HEATR3: variants seen among roughly 807,000 people sequenced by gnomAD.
HEATR3 encodes HEAT repeat containing 3, also known as HEAT repeat-containing protein 3.
In HEATR3, 56 loss-of-function variants were observed where a neutral mutation model predicts 72.8. That is an observed-to-expected ratio of 0.77 (90% CI 0.62 to 0.96). HEATR3 has a LOEUF of 0.96. HEATR3 is among the 40% of genes least tolerant of loss of function. HEATR3 has a pLI of 0.00. For missense variants in HEATR3, 747 were observed against 831.4 expected, an observed-to-expected ratio of 0.90 and a Z score of 1.25; for synonymous variants, 331 against 318.1, an observed-to-expected ratio of 1.04 and a Z score of -0.43.
chr16:50,066,004 C>T lies in HEATR3; in HGVS notation c.-128C>T. The T allele has an allele frequency of 3.2e-6, 3 of 944,182 alleles. No individual in the cohort carries two copies. Among genetic ancestry groups the T allele is most frequent in the South Asian group, 1.6e-5 (1 of 61,706 alleles). 58.5% of individuals were successfully genotyped at this position (944,182 alleles called of 1,614,324 possible). On this transcript the variant is annotated 5_prime_UTR_variant, in exon 1 of 15. Coordinates refer to ENST00000299192, the MANE Select transcript of HEATR3 (RefSeq NM_182922.4). Reference sequence around the variant, plus strand: ...GCCGTGCGCCTGCGCACGGCTTGCCCATGTGTGCTGCAGCCGTCAGCCGGC... The same window carrying T: ...GCCGTGCGCCTGCGCACGGCTTGCCTATGTGTGCTGCAGCCGTCAGCCGGC...
chr16:50,091,670 T>C (rs1378570040), intron 11 of HEATR3, among the ~76,000 whole-genome samples: 1 of 151,674 alleles, frequency 6.6e-6, no homozygotes, highest in Non-Finnish European at 1.5e-5. Context: ...GTCAGGAGAT[T>C]GAGACCCTGG....
chr16:50,104,141 C>T (rs62029889), intron 14 of HEATR3, among the ~76,000 whole-genome samples: 16,087 of 151,888 alleles, frequency 0.11, 953 homozygotes, highest in Middle Eastern at 0.14. Context: ...CTTGAGCCCA[C>T]GAGTTCAAGA....
At chr16:50,102,525 A>T (rs1449591466) in intron 14 of HEATR3, 90 bp downstream of exon 14, 2 of 1,179,168 alleles carry the variant, frequency 1.7e-6, no homozygotes, top group East Asian at 2.3e-5. Context: ...ACTCAGAAGC[A>T]TGTGCATGAC....
In HEATR3 at chr16:50,070,282, G is replaced by T. The variant is rs1224426611; in HGVS notation, c.504G>T (p.Trp168Cys). 1 of 1,557,744 alleles carries T rather than the reference G, an allele frequency of 6.4e-7. No individual in the cohort carries two copies. ...NIANETVNVLWNICECSSRAV... is the reference protein window; with the variant it reads ...NIANETVNVLCNICECSSRAV... ...CCAATGAGACTGTGAACGTGCTGTG[G>T]AATATATGGTAAGATGCCTACCAAA... The change falls in exon 4 of 15, where the codon TGG becomes TGT. Residue 168 changes from tryptophan (W) to cysteine (C), a missense_variant. Physicochemically the swap from Trp to Cys is radical, Grantham distance 215. Around this residue, in one of 2 missense-constraint regions of HEATR3, gnomAD observed 586 missense variants for 708.8 expected, o/e 0.83. Coordinates refer to ENST00000299192, the MANE Select transcript of HEATR3 (RefSeq NM_182922.4).
intron 13 of HEATR3, among the ~76,000 whole-genome samples, chr16:50,101,106 C>CTTTTTTTTTTTTTTTTTTTTT (rs5816674): frequency 6.9e-6 from 1 of 144,342 alleles, no homozygotes; most frequent in African/African-American, 2.5e-5. Context: ...ACTTGCAAAG[C>CTTTTTTTTTTTTTTTTTTTTT]TTTTTTTTTT....
chr16:50,103,629 AT>A (rs1309393749), intron 14 of HEATR3, among the ~76,000 whole-genome samples: 1 of 152,080 alleles, frequency 6.6e-6, no homozygotes, highest in Non-Finnish European at 1.5e-5. Context: ...CCACCAGTCT[AT>A]TTTTCAACAA....
intron 11 of HEATR3, among the ~76,000 whole-genome samples, chr16:50,092,032 T>C (rs1341777044): frequency 1.3e-5 from 2 of 152,100 alleles, no homozygotes; most frequent in Admixed American, 1.3e-4. Flanking sequence ...TGGTAACTTT[T>C]TGAAGTTTAA....
In HEATR3 at chr16:50,088,937, C is replaced by A. The variant is rs541896162; in HGVS notation, c.1510+2586C>A. Among the ~76,000 whole-genome samples the A allele has an allele frequency of 5.9e-5, 9 of 152,256 alleles. No homozygotes were observed. In the South Asian group the frequency reaches 1.9e-3, roughly 32 times the overall value. On this transcript the variant is annotated intron_variant, in intron 11 of 14. Coordinates refer to ENST00000299192, the MANE Select transcript of HEATR3 (RefSeq NM_182922.4). ...CTCACTGAGAGTCTGGTCCAGGTACCCCCGGTCCCATCCCCAGGCAGCACA... is the reference window on the plus strand; with the variant it reads ...CTCACTGAGAGTCTGGTCCAGGTACACCCGGTCCCATCCCCAGGCAGCACA...
In HEATR3 at chr16:50,075,629, T is replaced by TAC. The variant is rs2036709307; in HGVS notation, c.683_684dup (p.Ala229GlnfsTer3). On this transcript the variant is annotated frameshift_variant, in exon 6 of 15. Transcript: ENST00000299192. LOFTEE classifies it high-confidence loss of function. ...CAGAGCTGCTGAAGTCTTTCAGTGC[T>TAC]ACAGCATTGAACATGCTGGAATCAG... 1 of 1,613,748 alleles carries TAC rather than the reference T, an allele frequency of 6.2e-7. No homozygotes were observed. The highest frequency in any genetic ancestry group is 1.7e-5 in the Admixed American group (1 of 60,006).
intron 3 of HEATR3, 28 bp downstream of exon 3, chr16:50,068,895 G>T: frequency 6.5e-7 from 1 of 1,548,194 alleles, no homozygotes. Flanking sequence ...TATCTTGATG[G>T]TAGCTTTTGG....
Position 50,075,806 on chromosome 16 carries a change from GGTCTTCT to G in HEATR3, c.763+98_763+104del. 23 of 1,001,874 alleles carry G rather than the reference GGTCTTCT, an allele frequency of 2.3e-5. 1 individual carries two copies. In the South Asian group the frequency reaches 3.1e-4, roughly 14 times the overall value. The allele number at this position is 1,001,874 out of a possible 1,614,324, so 62.1% of individuals were successfully genotyped here. A position where few individuals can be genotyped will look rare whatever the true frequency, so the allele number is the denominator to read the frequency against. On this transcript the variant is annotated intron_variant, in intron 6 of 14. Coordinates refer to ENST00000299192, the MANE Select transcript of HEATR3 (RefSeq NM_182922.4). ...TTTAGTCATTCATTTCAACACATTA[GGTCTTCT>G]GTGCTTTTATCTGTTCTGAAAATTT...
At position 50,065,995 on chromosome 16, in the gene HEATR3, C is replaced by T. The variant is rs1249485973; in HGVS notation, c.-137C>T. 6.9e-6 allele frequency: 5 copies of T among 727,974 alleles called. No individual in the cohort carries two copies. The highest frequency in any genetic ancestry group is 7.1e-5 in the East Asian group (2 of 28,054). 45.1% of individuals were successfully genotyped at this position (727,974 alleles called of 1,614,324 possible). A position where few individuals can be genotyped will look rare whatever the true frequency, so the allele number is the denominator to read the frequency against. On this transcript the variant is annotated 5_prime_UTR_variant, in exon 1 of 15. It adds an upstream start codon to the 5' untranslated region. Transcript: ENST00000299192. The stretch of plus-strand genomic sequence containing the variant: ...AGACGACGCGCCGTGCGCCTGCGCA[C>T]GGCTTGCCCATGTGTGCTGCAGCCG...
intron 5 of HEATR3, chr16:50,073,380 T>C (rs540491243): frequency 6.6e-6 from 1 of 152,278 alleles, no homozygotes; most frequent in Non-Finnish European, 1.5e-5. Context: ...GCATTTCTTT[T>C]CTACCGATCA....
intron 10 of HEATR3, 77 bp downstream of exon 10, chr16:50,084,728 C>A: frequency 9.1e-7 from 1 of 1,099,814 alleles, no homozygotes; most frequent in Non-Finnish European, 1.3e-6. Flanking sequence ...ATAGAAGGTG[C>A]TGACTCCCCC....
chr16:50,083,318 A>G (rs2036912667), intron 7 of HEATR3, among the ~76,000 whole-genome samples: 1 of 152,168 alleles, frequency 6.6e-6, no homozygotes, highest in Non-Finnish European at 1.5e-5. Context: ...GTTGGTTGAT[A>G]ATGTTAAGTT....
chr16:50,075,034 T>TGG (rs2036693391), intron 5 of HEATR3: 1 of 143,452 alleles, frequency 7.0e-6, no homozygotes, highest in Admixed American at 7.0e-5. Flanking sequence ...AGTGTAGATC[T>TGG]GGCTGGGCAT....
chr16:50,071,269 G>T (rs902282222), intron 4 of HEATR3, among the ~76,000 whole-genome samples: 4 of 152,196 alleles, frequency 2.6e-5, no homozygotes, highest in African/African-American at 4.8e-5. Flanking sequence ...TGACCTAAAA[G>T]CACAGATGTT....
rs1195606554 is a variant in HEATR3 at position 50,105,479 on chromosome 16, A to AT, written c.*418_*419insT. On this transcript the variant is annotated 3_prime_UTR_variant, in exon 15 of 15. Coordinates refer to ENST00000299192, the MANE Select transcript of HEATR3 (RefSeq NM_182922.4). The stretch of plus-strand genomic sequence containing the variant: ...CCTGTCTCCAAAAAAAAAAAAAAAA[A>AT]AAAACTTCAAAACCTGTCAGAAACT... The AT allele has an allele frequency of 6.4e-6, 1 of 155,734 alleles. No individual in the cohort carries two copies. The highest frequency in any genetic ancestry group is 2.4e-5 in the African/African-American group (1 of 41,376). 9.6% of individuals were successfully genotyped at this position (155,734 alleles called of 1,614,324 possible). A position where few individuals can be genotyped will look rare whatever the true frequency, so the allele number is the denominator to read the frequency against.
intron 2 of HEATR3, among the ~76,000 whole-genome samples, chr16:50,067,104 A>C (rs1547478): frequency 0.62 from 94,117 of 152,020 alleles, 30,889 homozygotes; most frequent in South Asian, 0.72. Flanking sequence ...CTGTAATCCC[A>C]TTGCTTTGGG....
Sources: gnomAD v4.1 joint callset for allele counts (sites outside exome capture counted in the v4.1 genomes callset) on GRCh38, gnomAD v4.1.1 for gene constraint, gnomAD v4.1.1 regional missense constraint, MANE v1.5 for transcripts, NCBI Gene and HGNC (gene_info 2026-07-23, HGNC 2026-07-21) for gene names.